SPIRE1: variants seen among roughly 807,000 people sequenced by gnomAD.
SPIRE1 encodes spire type actin nucleation factor 1.
In SPIRE1, 40 loss-of-function variants were observed where a neutral mutation model predicts 94.1. That is an observed-to-expected ratio of 0.43 (90% CI 0.33 to 0.55). The LOEUF (loss-of-function observed/expected upper bound fraction) is 0.55. SPIRE1 is among the 20% of genes least tolerant of loss of function. SPIRE1 has a pLI of 0.06. For synonymous variants in SPIRE1, 376 were observed against 371.7 expected, an observed-to-expected ratio of 1.01 and a Z score of -0.13; for missense variants, 838 against 975.2, an observed-to-expected ratio of 0.86 and a Z score of 1.87.
At chr18:12,655,559 T>A (rs1325107867) in intron 1 of SPIRE1, among the ~76,000 whole-genome samples, 1 of 152,202 alleles carries the variant, frequency 6.6e-6, no homozygotes, top group African/African-American at 2.4e-5. Context: ...AAGAGAATTA[T>A]AAACCTATTG....
chr18:12,631,380 T>C (rs2144797735), intron 2 of SPIRE1, among the ~76,000 whole-genome samples: 1 of 150,968 alleles, frequency 6.6e-6, no homozygotes, highest in African/African-American at 2.4e-5. Flanking sequence ...AGTGGAATTG[T>C]TTTACATTTT....
chr18:12,641,118 G>C (rs2038071350), intron 1 of SPIRE1, among the ~76,000 whole-genome samples: 1 of 152,044 alleles, frequency 6.6e-6, no homozygotes, highest in Admixed American at 6.6e-5. Flanking sequence ...TTTGTTAATG[G>C]ATTGACAAAC....
chr18:12,449,487 AGTCTGTGGAACAATGT>A lies in SPIRE1; in HGVS notation c.*135_*150del. The A allele has an allele frequency of 1.3e-6, 1 of 763,480 alleles. No homozygotes were observed. 47.3% of individuals were successfully genotyped at this position (763,480 alleles called of 1,614,324 possible). ...ATCAATCGATACGAACACAGCATTCAGTCTGTGGAACAATGTGATGCGGCAAAAATCTGATCTAATG... is the reference window on the plus strand; with the variant it reads ...ATCAATCGATACGAACACAGCATTCAGATGCGGCAAAAATCTGATCTAATG... On this transcript the variant is annotated 3_prime_UTR_variant, in exon 17 of 17. Transcript: ENST00000409402.
At chr18:12,548,307 AAAAG>A (rs1232688194) in intron 2 of SPIRE1, among the ~76,000 whole-genome samples, 3 of 152,250 alleles carry the variant, frequency 2.0e-5, no homozygotes, top group Admixed American at 1.3e-4. Context: ...TCACAAATAA[AAAAG>A]AAAGTCAGAA....
intron 10 of SPIRE1, among the ~76,000 whole-genome samples, chr18:12,478,168 A>G (rs1367234653): frequency 1.3e-5 from 2 of 152,022 alleles, no homozygotes; most frequent in Non-Finnish European, 2.9e-5. Context: ...GAATTAAAGA[A>G]TAATTCCTCA....
intron 1 of SPIRE1, among the ~76,000 whole-genome samples, chr18:12,639,866 C>T (rs2038036199): frequency 6.7e-6 from 1 of 149,484 alleles, no homozygotes; most frequent in South Asian, 2.1e-4. Flanking sequence ...CAGACATTGT[C>T]TTTAAAAAAA....
In SPIRE1 at chr18:12,479,755, G is replaced by T. The variant is rs373281197; in HGVS notation, c.1348C>A (p.Arg450=). 11 of 1,613,888 alleles carry T rather than the reference G, an allele frequency of 6.8e-6. No individual in the cohort carries two copies. Among genetic ancestry groups the T allele is most frequent in the Non-Finnish European group, 7.6e-6 (9 of 1,179,968 alleles). Residue 450 remains arginine (R), a synonymous_variant, in exon 10 of 17, where the codon CGG becomes AGG. Coordinates refer to ENST00000409402, the MANE Select transcript of SPIRE1 (RefSeq NM_001128626.2). ...GTTGGGGCTCTGAGGAGCTTCTTCCGCTGTGCAGGCACCTGCTGTGAGGTA... is the reference window on the plus strand; with the variant it reads ...GTTGGGGCTCTGAGGAGCTTCTTCCTCTGTGCAGGCACCTGCTGTGAGGTA... ...LSTSQQVPAQ[R]KKLLRAPTLA... is the part of the protein sequence containing the mutation.
Position 12,612,314 on chromosome 18 carries a change from T to C in SPIRE1, c.372+22748A>G, listed in dbSNP as rs768807331. 2.2e-3 allele frequency among the ~76,000 whole-genome samples: 328 copies of C among 152,200 alleles called. 5 individuals carry two copies. Among genetic ancestry groups the C allele is most frequent in the Non-Finnish European group, 4.4e-4 (30 of 68,030 alleles). On this transcript the variant is annotated intron_variant, in intron 2 of 16. Transcript: ENST00000409402. Reference sequence around the variant, plus strand: ...GTTGCCTGAAATTTATTTACATTCATGGGCCCTGTGGGTTTCCTTCTCGCT... The same window carrying C: ...GTTGCCTGAAATTTATTTACATTCACGGGCCCTGTGGGTTTCCTTCTCGCT...
intron 2 of SPIRE1, among the ~76,000 whole-genome samples, chr18:12,574,089 C>A (rs1343317927): frequency 1.3e-5 from 2 of 152,124 alleles, no homozygotes; most frequent in Admixed American, 1.3e-4. Flanking sequence ...AAATGTACTA[C>A]ATGAACAACA....
intron 2 of SPIRE1, among the ~76,000 whole-genome samples, chr18:12,620,090 G>C (rs1050454769): frequency 6.6e-6 from 1 of 152,046 alleles, no homozygotes; most frequent in Non-Finnish European, 1.5e-5. Flanking sequence ...GAGACAGGAG[G>C]ACACCTTGAG....
upstream of SPIRE1, chr18:12,658,194 C>T: frequency 3.1e-6 from 2 of 654,268 alleles, no homozygotes; most frequent in Non-Finnish European, 4.6e-6. Flanking sequence ...CCGGGGGATG[C>T]ACGCTCTGGA....
intron 10 of SPIRE1, among the ~76,000 whole-genome samples, chr18:12,472,560 G>A (rs1057063011): frequency 2.0e-5 from 3 of 151,888 alleles, no homozygotes; most frequent in Admixed American, 6.6e-5. Flanking sequence ...GTAAAAGTGG[G>A]GTTTTGCCAT....
chr18:12,624,221 T>C (rs2037557136), intron 2 of SPIRE1, among the ~76,000 whole-genome samples: 1 of 141,152 alleles, frequency 7.1e-6, no homozygotes, highest in Non-Finnish European at 1.6e-5. Context: ...CATGCCTGCC[T>C]AATAAGGCAA....
rs193010824 is a variant in SPIRE1, at chr18:12,577,007, T to A, written c.373-30103A>T. On this transcript the variant is annotated intron_variant, in intron 2 of 16. Transcript: ENST00000409402. ...CATAGTCCCACACTTACATGATAAA[T>A]GGATTTTTAATGAAAGTGCCAAGGT... is the stretch of plus-strand genomic sequence containing the variant. Among the ~76,000 whole-genome samples the A allele has an allele frequency of 2.3e-3, 349 of 151,278 alleles. 4 individuals carry two copies. The highest frequency in any genetic ancestry group is 0.022 in the Admixed American group (328 of 15,164).
intron 6 of SPIRE1, among the ~76,000 whole-genome samples, chr18:12,499,465 C>T (rs940655853): frequency 4.0e-5 from 6 of 151,350 alleles, no homozygotes; most frequent in African/African-American, 1.5e-4. Context: ...TTTGGGATTC[C>T]TTGAGATTCC....
intron 10 of SPIRE1, among the ~76,000 whole-genome samples, chr18:12,478,142 G>GAGA (rs1598911226): frequency 6.6e-6 from 1 of 151,924 alleles, no homozygotes; most frequent in African/African-American, 2.4e-5. Context: ...GAATGGAGTG[G>GAGA]AGACCGATGA....
rs529237856 is a variant in SPIRE1, at chr18:12,508,316, C to T, written c.808-1675G>A. Among the ~76,000 whole-genome samples the T allele has an allele frequency of 3.7e-3, 565 of 152,216 alleles. 2 individuals carry two copies. The highest frequency in any genetic ancestry group is 0.013 in the African/African-American group (539 of 41,548). ...ATTTTAAAAAAATGTTGGGTTTGGA[C>T]AATAAGAAGCTACCAAAAAATATAA... is the stretch of plus-strand genomic sequence containing the variant. On this transcript the variant is annotated intron_variant, in intron 5 of 16. Coordinates refer to ENST00000409402, the MANE Select transcript of SPIRE1 (RefSeq NM_001128626.2).
rs868169622 is a variant in SPIRE1, at chr18:12,559,280, C to T, written c.373-12376G>A. On this transcript the variant is annotated intron_variant, in intron 2 of 16. Coordinates refer to ENST00000409402, the MANE Select transcript of SPIRE1 (RefSeq NM_001128626.2). This position sits in a 1 kb window ranked among gnomAD's most constrained non-coding sequence, Gnocchi z 4.7. Reference sequence around the variant, plus strand: ...AGTGAGAATTCGAGCACAGTGCAGGCGGGCCAGCAGTGCTGGGGGACCCAG... The same window carrying T: ...AGTGAGAATTCGAGCACAGTGCAGGTGGGCCAGCAGTGCTGGGGGACCCAG... Among the ~76,000 whole-genome samples, 10 of 152,156 alleles carry T rather than the reference C, an allele frequency of 6.6e-5. No individual in the cohort carries two copies. The East Asian group carries it at 1.5e-3, about 23-fold the overall frequency.
At chr18:12,501,072 CAAAAAAAAAA>C (rs67894900) in intron 6 of SPIRE1, among the ~76,000 whole-genome samples, 19 of 80,264 alleles carry the variant, frequency 2.4e-4, no homozygotes, top group Admixed American at 6.5e-4. Flanking sequence ...AACTCTGTCT[CAAAAAAAAAA>C]AAAAAAAAAA....
Sources: gnomAD v4.1 joint callset for allele counts (sites outside exome capture counted in the v4.1 genomes callset) on GRCh38, gnomAD v4.1.1 for gene constraint, Gnocchi (gnomAD v3.1) non-coding constraint, MANE v1.5 for transcripts, NCBI Gene and HGNC (gene_info 2026-07-23, HGNC 2026-07-21) for gene names.